ACOT7: variants seen among roughly 807,000 people sequenced by gnomAD.
The protein encoded by ACOT7 is acyl-CoA thioesterase 7, also known as cytosolic acyl coenzyme A thioester hydrolase.
Under a neutral mutation model 40.2 loss-of-function variants are expected in ACOT7, and 12 were observed. The ratio of observed to expected loss-of-function variants is 0.30; its 90% CI spans 0.19 to 0.48. The LOEUF (loss-of-function observed/expected upper bound fraction) is 0.48, where lower values mean the gene tolerates loss of function less well. ACOT7 is among the 20% of genes least tolerant of loss of function. ACOT7 has a pLI of 0.99. For missense variants in ACOT7, 395 were observed against 530.8 expected (o/e 0.74, Z 2.51); for synonymous variants, 228 against 219.5 (o/e 1.04, Z -0.34).
intron 1 of ACOT7, among the ~76,000 whole-genome samples, chr1:6,386,025 C>G (rs1642435465): frequency 6.6e-6 from 1 of 152,206 alleles, no homozygotes; most frequent in African/African-American, 2.4e-5. Context: ...ACCTCCAGGA[C>G]CTTAAACCTC....
At chr1:6,389,567 C>A (rs1174831336) in intron 1 of ACOT7, among the ~76,000 whole-genome samples, 1 of 152,062 alleles carries the variant, frequency 6.6e-6, no homozygotes, top group Non-Finnish European at 1.5e-5. Context: ...ATTAAAAATT[C>A]TGTTCCCTTC....
Position 6,358,555 on chromosome 1 carries a change from C to A in ACOT7, c.144-8689G>T, listed in dbSNP as rs1228728176. 2.6e-5 allele frequency among the ~76,000 whole-genome samples: 4 copies of A among 152,226 alleles called. No individual in the cohort carries two copies. The highest frequency in any genetic ancestry group is 6.5e-5 in the Admixed American group (1 of 15,286). The stretch of plus-strand genomic sequence containing the variant: ...GTGCCTTCCTCCCTGGGGACTAGAG[C>A]AGGCAGGGGAGTGCCCTGGTCCGTC... On this transcript the variant is annotated intron_variant, in intron 1 of 8. Coordinates refer to ENST00000361521, the MANE Select transcript of ACOT7 (RefSeq NM_007274.4). The surrounding 1 kb of genome is among the most constrained non-coding windows in gnomAD (Gnocchi z 4.1).
At chr1:6,337,386 C>A (rs534088896) in intron 3 of ACOT7, among the ~76,000 whole-genome samples, 4 of 152,240 alleles carry the variant, frequency 2.6e-5, no homozygotes. Flanking sequence ...CAGATTGTGT[C>A]GTCCTCATCA....
At chr1:6,305,337 C>A (rs1283049800) in intron 6 of ACOT7, among the ~76,000 whole-genome samples, 1 of 136,952 alleles carries the variant, frequency 7.3e-6, no homozygotes, top group South Asian at 2.4e-4. Flanking sequence ...GCAGAGGCGC[C>A]CCTCACCTCC....
chr1:6,267,536 T>A (rs1638888840), intron 8 of ACOT7, among the ~76,000 whole-genome samples: 1 of 152,234 alleles, frequency 6.6e-6, no homozygotes, highest in African/African-American at 2.4e-5. Context: ...CACTGGGAGA[T>A]GATGCCTCTC....
At chr1:6,365,703 G>A (rs554405912) in intron 1 of ACOT7, among the ~76,000 whole-genome samples, 4 of 150,756 alleles carry the variant, frequency 2.7e-5, no homozygotes, top group Admixed American at 1.3e-4. Context: ...GGGAGGCGGA[G>A]CTTGCAGTGA....
chr1:6,273,564 T>C (rs747164490), intron 8 of ACOT7, among the ~76,000 whole-genome samples: 14 of 152,190 alleles, frequency 9.2e-5, no homozygotes, highest in Non-Finnish European at 1.6e-4. Flanking sequence ...GGGCAGGGCT[T>C]CCCTCACTAA....
chr1:6,378,373 G>A (rs560215227), intron 1 of ACOT7, among the ~76,000 whole-genome samples: 38 of 152,004 alleles, frequency 2.5e-4, no homozygotes, highest in African/African-American at 8.9e-4. Flanking sequence ...CACAGACCAC[G>A]GGCCTTCCCA....
chr1:6,266,935 A>T (rs189772319), intron 8 of ACOT7, among the ~76,000 whole-genome samples: 62 of 152,318 alleles, frequency 4.1e-4, no homozygotes, highest in Admixed American at 1.9e-3. Flanking sequence ...CCTGGGAGAC[A>T]TCGGGTTGGG....
intron 4 of ACOT7, among the ~76,000 whole-genome samples, chr1:6,329,744 C>T (rs1324407036): frequency 2.0e-5 from 3 of 152,098 alleles, no homozygotes; most frequent in Admixed American, 2.0e-4. Flanking sequence ...AAGCAGCAGA[C>T]AGCGTGGCCC....
At chr1:6,267,716 G>A (rs546102830) in intron 8 of ACOT7, among the ~76,000 whole-genome samples, 8 of 152,348 alleles carry the variant, frequency 5.3e-5, no homozygotes, top group East Asian at 1.9e-4. Context: ...GCTCTGCCCC[G>A]CCTCTGGGAT....
intron 1 of ACOT7, among the ~76,000 whole-genome samples, chr1:6,383,476 C>T (rs1240914572): frequency 2.7e-5 from 4 of 150,806 alleles, no homozygotes; most frequent in Admixed American, 6.6e-5. Context: ...CGTGAGTCAC[C>T]GCGCCCGGCC....
At chr1:6,364,239 T>A (rs1641951894) in intron 1 of ACOT7, among the ~76,000 whole-genome samples, 1 of 151,678 alleles carries the variant, frequency 6.6e-6, no homozygotes, top group African/African-American at 2.4e-5. Context: ...AATACAAAAG[T>A]AACATCTAAA....
At chr1:6,309,976 GGAGA>G (rs1306179141) in intron 6 of ACOT7, among the ~76,000 whole-genome samples, 6 of 152,310 alleles carry the variant, frequency 3.9e-5, no homozygotes, top group Admixed American at 3.9e-4. Flanking sequence ...CTGGTGGGGA[GGAGA>G]GAAAGGCCCA....
rs1169033689 is a variant in ACOT7 at position 6,274,174 on chromosome 1, C to T, written c.1014+6928G>A. Among the ~76,000 whole-genome samples, 1 of 152,186 alleles carries T rather than the reference C, an allele frequency of 6.6e-6. No homozygotes were observed. The highest frequency in any genetic ancestry group is 2.4e-5 in the African/African-American group (1 of 41,450). On this transcript the variant is annotated intron_variant, in intron 8 of 8. Transcript: ENST00000361521. The surrounding 1 kb of genome is among the most constrained non-coding windows in gnomAD (Gnocchi z 5.9). ...TGGAAAGCTTGCCCCATGCTTCCTC[C>T]TAAGTGCAAAGGGGCGAGGGACCTT...
chr1:6,320,775 C>T (rs895367519), intron 5 of ACOT7, among the ~76,000 whole-genome samples: 3 of 152,316 alleles, frequency 2.0e-5, no homozygotes, highest in East Asian at 1.9e-4. Context: ...TCTTTGCACA[C>T]GTGGAGCACC....
At chr1:6,343,557 G>C (rs538445778) in intron 2 of ACOT7, among the ~76,000 whole-genome samples, 5 of 152,280 alleles carry the variant, frequency 3.3e-5, no homozygotes, top group African/African-American at 4.8e-5. Context: ...ACAGTAAAGC[G>C]ATGCCTGGAA....
intron 8 of ACOT7, among the ~76,000 whole-genome samples, chr1:6,268,440 C>T (rs1638917732): frequency 6.6e-6 from 1 of 152,230 alleles, no homozygotes; most frequent in African/African-American, 2.4e-5. Flanking sequence ...AGACCTAGAT[C>T]TAGGAAAACC....
chr1:6,296,549 G>A (rs1553156425), intron 6 of ACOT7, among the ~76,000 whole-genome samples: 1 of 151,190 alleles, frequency 6.6e-6, no homozygotes, highest in East Asian at 2.0e-4. Context: ...TCAGCCTCCC[G>A]AGTAGCTGGA....
Sources: allele counts gnomAD v4.1 joint callset (sites outside exome capture counted in the v4.1 genomes callset), GRCh38; gene constraint gnomAD v4.1.1; non-coding constraint Gnocchi (gnomAD v3.1); transcripts MANE v1.5; gene names NCBI Gene and HGNC (gene_info 2026-07-23, HGNC 2026-07-21).